Variants in ASXL3 observed in about 807,000 individuals in gnomAD.
ASXL3 encodes the protein putative Polycomb group protein ASXL3.
A neutral mutation model predicts 170.6 loss-of-function variants in ASXL3; 34 were observed. The observed-to-expected ratio is 0.20, with a 90% confidence interval of 0.15 to 0.27. ASXL3 has a LOEUF of 0.27. Among genes scored for constraint, ASXL3 ranks in the 10% least tolerant of loss-of-function variants. The pLI is 1.00. For synonymous variants in ASXL3, 1,002 were observed against 989.1 expected, an observed-to-expected ratio of 1.01 and a Z score of -0.24; for missense variants, 2,592 against 2,695.3, an observed-to-expected ratio of 0.96 and a Z score of 0.85.
At chr18:33,633,433 A>C (rs2065711558) in intron 2 of ASXL3, among the ~76,000 whole-genome samples, 1 of 152,172 alleles carries the variant, frequency 6.6e-6, no homozygotes, top group Non-Finnish European at 1.5e-5. Context: ...AACATTCAAA[A>C]TCTTATAATT....
At chr18:33,585,199 T>G (rs908249680) in intron 1 of ASXL3, among the ~76,000 whole-genome samples, 11 of 151,910 alleles carry the variant, frequency 7.2e-5, no homozygotes, top group Non-Finnish European at 1.0e-4. Flanking sequence ...AGCTCATCAG[T>G]GGCAGATCCT....
chr18:33,716,897 TAAA>T (rs11378870), intron 8 of ASXL3, among the ~76,000 whole-genome samples: 2 of 143,812 alleles, frequency 1.4e-5, no homozygotes. Context: ...ATTTGCTGGT[TAAA>T]AAAAAAAAAA....
intron 8 of ASXL3, among the ~76,000 whole-genome samples, chr18:33,703,766 T>G (rs2066916877): frequency 6.6e-6 from 1 of 152,046 alleles, no homozygotes; most frequent in African/African-American, 2.4e-5. Context: ...AGAACTTAAG[T>G]GACACAGATT....
In ASXL3 at chr18:33,746,345, G is replaced by C. The variant is rs1033312425; in HGVS notation, c.6497G>C (p.Arg2166Thr). 1.9e-6 allele frequency: 3 copies of C among 1,613,960 alleles called. No homozygotes were observed. The East Asian group carries it at 6.7e-5, about 36-fold the overall frequency. Reference protein sequence around the residue: ...TIHFGSTSFKRAASAIEKSIG... With the variant: ...TIHFGSTSFKTAASAIEKSIG... The stretch of plus-strand genomic sequence containing the variant: ...CACTTTGGTAGCACGAGTTTCAAAA[G>C]GGCAGCATCTGCAATTGAAAAGTCC... The change falls in exon 12 of 12, where the codon AGG becomes ACG. Residue 2166 changes from arginine (R) to threonine (T), a missense_variant. Transcript: ENST00000269197.
intron 8 of ASXL3, among the ~76,000 whole-genome samples, chr18:33,703,388 C>T (rs968680381): frequency 6.6e-6 from 1 of 152,064 alleles, no homozygotes; most frequent in Admixed American, 6.6e-5. Flanking sequence ...CTCAGCTTAC[C>T]TCTTCTGGAA....
intron 1 of ASXL3, among the ~76,000 whole-genome samples, chr18:33,600,347 T>C (rs2065171485): frequency 6.6e-6 from 1 of 152,250 alleles, no homozygotes; most frequent in East Asian, 1.9e-4. Context: ...TAAATAATTA[T>C]TGTTATATTC....
At chr18:33,583,988 G>T (rs181833334) in intron 1 of ASXL3, among the ~76,000 whole-genome samples, 5 of 152,260 alleles carry the variant, frequency 3.3e-5, no homozygotes, top group African/African-American at 4.8e-5. Context: ...AGTGGAGGAT[G>T]ACTGAGCTGA....
intron 2 of ASXL3, among the ~76,000 whole-genome samples, chr18:33,637,762 A>G (rs2065790780): frequency 6.6e-6 from 1 of 152,184 alleles, no homozygotes. Flanking sequence ...ATAGGAGTCA[A>G]TGACATGATA....
intron 2 of ASXL3, among the ~76,000 whole-genome samples, chr18:33,612,198 T>TAC (rs2065346060): frequency 6.6e-6 from 1 of 151,890 alleles, no homozygotes; most frequent in African/African-American, 2.4e-5. Context: ...TATATATATA[T>TAC]ACACAAACCA....
intron 7 of ASXL3, among the ~76,000 whole-genome samples, chr18:33,678,231 C>T (rs2066460856): frequency 6.6e-6 from 1 of 152,024 alleles, no homozygotes; most frequent in African/African-American, 2.4e-5. Context: ...CCTAGCAGAG[C>T]TGTTTTTCAG....
intron 7 of ASXL3, among the ~76,000 whole-genome samples, chr18:33,682,581 C>T (rs1467997505): frequency 6.6e-6 from 1 of 152,118 alleles, no homozygotes; most frequent in Non-Finnish European, 1.5e-5. Context: ...CAGAGTTTCA[C>T]TCTGTCACTG....
intron 7 of ASXL3, among the ~76,000 whole-genome samples, chr18:33,681,515 T>G (rs1187094055): frequency 3.9e-5 from 6 of 152,068 alleles, no homozygotes; most frequent in African/African-American, 9.7e-5. Flanking sequence ...TGTCACTGTC[T>G]TTATTGATTT....
chr18:33,730,514 C>G (rs1299271517), intron 8 of ASXL3, among the ~76,000 whole-genome samples: 3 of 152,120 alleles, frequency 2.0e-5, no homozygotes, highest in Non-Finnish European at 2.9e-5. Flanking sequence ...AACCACACTG[C>G]AGAGGATAGT....
At chr18:33,697,904 A>T (rs2066798953) in intron 8 of ASXL3, among the ~76,000 whole-genome samples, 1 of 151,982 alleles carries the variant, frequency 6.6e-6, no homozygotes, top group Admixed American at 6.6e-5. Flanking sequence ...TCTCTATGAT[A>T]CTCTGTCTTC....
chr18:33,677,590 A>G (rs1223012305), intron 7 of ASXL3, among the ~76,000 whole-genome samples: 2 of 152,224 alleles, frequency 1.3e-5, no homozygotes, highest in African/African-American at 2.4e-5. Context: ...TTATAAAAAG[A>G]TAGGGACATA....
In ASXL3 at chr18:33,744,579, T is replaced by G; in HGVS notation, c.4731T>G (p.His1577Gln). 6.2e-7 allele frequency: 1 copy of G among 1,611,376 alleles called. No homozygotes were observed. The highest frequency in any genetic ancestry group is 8.5e-7 in the Non-Finnish European group (1 of 1,178,944). Reference sequence around the variant, plus strand: ...TAAATGAGCCGACTGCTCCCAGTCATAACTTTGCTGAGCAGGCACGTGGCC... The same window carrying G: ...TAAATGAGCCGACTGCTCCCAGTCAGAACTTTGCTGAGCAGGCACGTGGCC... ...DKLNEPTAPS[H>Q]NFAEQARGPA... Residue 1577 changes from histidine to glutamine, a missense_variant, in exon 12 of 12, where the codon CAT becomes CAG. By Grantham distance (24) the His-to-Gln change is conservative. Transcript: ENST00000269197.
chr18:33,709,590 T>C (rs142827947), intron 8 of ASXL3, among the ~76,000 whole-genome samples: 17 of 152,262 alleles, frequency 1.1e-4, no homozygotes, highest in African/African-American at 4.1e-4. Flanking sequence ...AACTAATCTG[T>C]GGTGTTAGAT....
intron 8 of ASXL3, among the ~76,000 whole-genome samples, chr18:33,719,334 C>T (rs925236605): frequency 7.2e-5 from 11 of 152,114 alleles, no homozygotes; most frequent in South Asian, 2.1e-4. Context: ...TACCTCCACA[C>T]GCATGCACCT....
chr18:33,689,101 C>G (rs978299094), intron 8 of ASXL3, among the ~76,000 whole-genome samples: 6 of 151,988 alleles, frequency 3.9e-5, no homozygotes, highest in African/African-American at 1.5e-4. Context: ...TCAAGCGATT[C>G]TCCTGCCTCA....
Sources: allele counts gnomAD v4.1 joint callset (sites outside exome capture counted in the v4.1 genomes callset), GRCh38; gene constraint gnomAD v4.1.1; transcripts MANE v1.5; gene names NCBI Gene and HGNC (gene_info 2026-07-23, HGNC 2026-07-21).